Variants in GRIK3 observed in about 807,000 individuals in gnomAD.
The protein encoded by GRIK3 is glutamate ionotropic receptor kainate type subunit 3, also known as glutamate receptor ionotropic, kainate 3.
In GRIK3, 29 loss-of-function variants were observed where a neutral mutation model predicts 102.5. The observed-to-expected ratio is 0.28, with a 90% CI of 0.21 to 0.39. The LOEUF (loss-of-function observed/expected upper bound fraction) is 0.39, where lower values mean the gene tolerates loss of function less well. Among genes scored for constraint, GRIK3 ranks in the 10% least tolerant of loss-of-function variants. GRIK3 has a pLI of 1.00. For synonymous variants in GRIK3, 511 were observed against 504.9 expected (o/e 1.01, Z -0.16); for missense variants, 908 against 1,252.4 (o/e 0.73, Z 4.15).
chr1:37,023,084 T>C (rs1642732872), intron 1 of GRIK3, among the ~76,000 whole-genome samples: 1 of 152,114 alleles, frequency 6.6e-6, no homozygotes, highest in African/African-American at 2.4e-5. Flanking sequence ...ATCTGAGCAC[T>C]TTGGGAGGCC....
chr1:36,826,468 G>T (rs1402207743), intron 10 of GRIK3, among the ~76,000 whole-genome samples: 1 of 152,108 alleles, frequency 6.6e-6, no homozygotes, highest in Non-Finnish European at 1.5e-5. Flanking sequence ...AGGGGTTTGA[G>T]AATAGCCTAC....
At chr1:36,859,470 G>A (rs1357546588) in intron 6 of GRIK3, among the ~76,000 whole-genome samples, 1 of 152,118 alleles carries the variant, frequency 6.6e-6, no homozygotes, top group African/African-American at 2.4e-5. Context: ...CCCCTCTGCA[G>A]CTTAGACCTT....
At chr1:36,959,499 T>C (rs1281193502) in intron 1 of GRIK3, among the ~76,000 whole-genome samples, 3 of 134,522 alleles carry the variant, frequency 2.2e-5, no homozygotes, top group Non-Finnish European at 5.0e-5. Flanking sequence ...TGAGCCTGTG[T>C]GCCCTGTGAC....
intron 7 of GRIK3, among the ~76,000 whole-genome samples, chr1:36,858,576 G>A (rs1640680568): frequency 1.3e-5 from 2 of 152,212 alleles, no homozygotes; most frequent in Non-Finnish European, 2.9e-5. Context: ...ACCAGGAGAG[G>A]TGGGTCCCAG....
rs1452538042 is a variant in GRIK3, at chr1:36,872,427, G to A, written c.551-58C>T. 2.2e-6 allele frequency: 3 copies of A among 1,367,492 alleles called. No homozygotes were observed. Among genetic ancestry groups the A allele is most frequent in the Non-Finnish European group, 3.0e-6 (3 of 998,476 alleles). 84.7% of individuals were successfully genotyped at this position (1,367,492 alleles called of 1,614,324 possible). The stretch of plus-strand genomic sequence containing the variant: ...GTACCACATGTATCCACAGCTCCAG[G>A]CATCCACTTGGACTTGTGTGCACAC... On this transcript the variant is annotated intron_variant, in intron 3 of 15. Coordinates refer to ENST00000373091, the MANE Select transcript of GRIK3 (RefSeq NM_000831.4). The surrounding 1 kb of genome is among the most constrained non-coding windows in gnomAD (Gnocchi z 5.9).
At chr1:36,967,872 A>C (rs144611581) in intron 1 of GRIK3, among the ~76,000 whole-genome samples, 10 of 152,360 alleles carry the variant, frequency 6.6e-5, no homozygotes, top group Admixed American at 1.3e-4. Context: ...GATAAATAGT[A>C]AGCACTCAAT....
At chr1:36,812,917 C>A (rs943386076) in intron 13 of GRIK3, among the ~76,000 whole-genome samples, 6 of 152,252 alleles carry the variant, frequency 3.9e-5, no homozygotes, top group African/African-American at 1.4e-4. Context: ...TGCCACTTGG[C>A]TGCCGCCATC....
chr1:36,863,247 C>T (rs574665788), intron 5 of GRIK3, among the ~76,000 whole-genome samples: 62 of 152,122 alleles, frequency 4.1e-4, no homozygotes, highest in Non-Finnish European at 7.5e-4. Flanking sequence ...GACGCATCTC[C>T]TCCTACCGAG....
chr1:36,965,279 C>A (rs2124352395), intron 1 of GRIK3, among the ~76,000 whole-genome samples: 1 of 152,266 alleles, frequency 6.6e-6, no homozygotes, highest in African/African-American at 2.4e-5. Context: ...GGCTGCCTAT[C>A]AGAAAATTTA....
At chr1:36,882,222 C>T (rs191788848) in intron 2 of GRIK3, among the ~76,000 whole-genome samples, 140 of 152,254 alleles carry the variant, frequency 9.2e-4, no homozygotes, top group Non-Finnish European at 1.6e-3. Context: ...TCGACAGTGC[C>T]GAATCATCAT....
At chr1:36,992,706 A>G (rs1642376013) in intron 1 of GRIK3, among the ~76,000 whole-genome samples, 1 of 152,224 alleles carries the variant, frequency 6.6e-6, no homozygotes, top group Admixed American at 6.5e-5. Context: ...GTCATGAGCA[A>G]GAATCAGAAT....
At chr1:36,993,584 T>C (rs1367463691) in intron 1 of GRIK3, among the ~76,000 whole-genome samples, 2 of 152,220 alleles carry the variant, frequency 1.3e-5, no homozygotes, top group Non-Finnish European at 2.9e-5. Flanking sequence ...TGGACATTAA[T>C]ATGCATCCTC....
intron 15 of GRIK3, chr1:36,804,550 A>G (rs1642476481): frequency 4.5e-6 from 1 of 220,740 alleles, no homozygotes; most frequent in South Asian, 1.8e-4. Context: ...GATTATGGAA[A>G]TTTCCAAATA....
intron 5 of GRIK3, among the ~76,000 whole-genome samples, chr1:36,868,204 C>T (rs1472360416): frequency 1.3e-5 from 2 of 152,210 alleles, no homozygotes; most frequent in Non-Finnish European, 2.9e-5. Context: ...TCTTGCTCCT[C>T]TGCCCTGCTC....
chr1:36,851,101 C>T (rs1184792193), intron 8 of GRIK3, among the ~76,000 whole-genome samples: 3 of 152,222 alleles, frequency 2.0e-5, no homozygotes, highest in African/African-American at 4.8e-5. Flanking sequence ...GTCTCAGCTC[C>T]TCTCACTCAA....
chr1:36,968,216 T>C (rs1011294306), intron 1 of GRIK3, among the ~76,000 whole-genome samples: 33 of 137,708 alleles, frequency 2.4e-4, no homozygotes, highest in Non-Finnish European at 3.7e-4. Context: ...TCACTCTCTC[T>C]CTCCGTGTGT....
intron 1 of GRIK3, among the ~76,000 whole-genome samples, chr1:36,963,848 C>A (rs988226901): frequency 2.0e-5 from 3 of 152,234 alleles, no homozygotes; most frequent in Non-Finnish European, 4.4e-5. Context: ...TGGACAAGGG[C>A]CTCCCAAAGC....
At chr1:37,006,449 A>G (rs1213405460) in intron 1 of GRIK3, among the ~76,000 whole-genome samples, 1 of 152,274 alleles carries the variant, frequency 6.6e-6, no homozygotes, top group Non-Finnish European at 1.5e-5. Context: ...ACTTTGTTTC[A>G]AAATCATGCC....
At chr1:36,992,441 G>A (rs770979448) in intron 1 of GRIK3, among the ~76,000 whole-genome samples, 2 of 152,166 alleles carry the variant, frequency 1.3e-5, no homozygotes, top group African/African-American at 4.8e-5. Flanking sequence ...AAATGTTCAC[G>A]TTACAAAGTC....
Sources: gnomAD v4.1 joint callset for allele counts (sites outside exome capture counted in the v4.1 genomes callset) on GRCh38, gnomAD v4.1.1 for gene constraint, Gnocchi (gnomAD v3.1) non-coding constraint, MANE v1.5 for transcripts, NCBI Gene and HGNC (gene_info 2026-07-23, HGNC 2026-07-21) for gene names.